PCCA: variants seen among roughly 807,000 people sequenced by gnomAD.
PCCA encodes propionyl-CoA carboxylase subunit alpha, also known as propionyl-CoA carboxylase alpha chain, mitochondrial.
PCCA carries 74 observed loss-of-function variants against 101.3 expected under a neutral mutation model. The ratio of observed to expected loss-of-function variants is 0.73; its 90% CI spans 0.61 to 0.89. The LOEUF is 0.89. Ranked by LOEUF, PCCA falls within the 40% of genes least tolerant of loss-of-function variation. The pLI, the probability that PCCA is intolerant of heterozygous loss-of-function variation, is 0.00. For missense variants in PCCA, 891 were observed against 907.0 expected, an observed-to-expected ratio of 0.98 and a Z score of 0.23; for synonymous variants, 294 against 313.6, an observed-to-expected ratio of 0.94 and a Z score of 0.66.
At chr13:100,253,564 C>G (rs746452464) in intron 8 of PCCA, among the ~76,000 whole-genome samples, 1 of 152,200 alleles carries the variant, frequency 6.6e-6, no homozygotes, top group Non-Finnish European at 1.5e-5. Context: ...CCCTTGAAAA[C>G]TGAGTCCAGA....
At chr13:100,254,196 G>T (rs766340523) in intron 8 of PCCA, among the ~76,000 whole-genome samples, 1 of 152,124 alleles carries the variant, frequency 6.6e-6, no homozygotes, top group African/African-American at 2.4e-5. Context: ...CACGAGGACA[G>T]TGTGGGGAAA....
chr13:100,496,143 T>C (rs1275818584), intron 21 of PCCA, among the ~76,000 whole-genome samples: 3 of 152,258 alleles, frequency 2.0e-5, no homozygotes, highest in African/African-American at 7.2e-5. Context: ...GAAACTGACA[T>C]TGAAACAGCA....
chr13:100,103,077 G>T, intron 2 of PCCA, 117 bp downstream of exon 2: 1 of 718,404 alleles, frequency 1.4e-6, no homozygotes, highest in South Asian at 1.5e-5. Context: ...TGTGGTCATT[G>T]ATCACTCTAG....
intron 16 of PCCA, among the ~76,000 whole-genome samples, chr13:100,328,302 G>T (rs1054667502): frequency 2.0e-5 from 3 of 151,598 alleles, no homozygotes; most frequent in Admixed American, 6.6e-5. Context: ...GACAGAGGTT[G>T]CAGTGAGCCG....
chr13:100,416,913 G>A (rs189299075), intron 19 of PCCA, among the ~76,000 whole-genome samples: 2 of 151,734 alleles, frequency 1.3e-5, no homozygotes, highest in South Asian at 2.1e-4. Context: ...GCGCGATCTC[G>A]GCTCACTGCA....
chr13:100,395,056 T>G (rs2076980834), intron 19 of PCCA, among the ~76,000 whole-genome samples: 1 of 152,194 alleles, frequency 6.6e-6, no homozygotes. Flanking sequence ...GGTTTGCATA[T>G]CTAAAACTTT....
At chr13:100,496,966 G>T (rs1188214539) in intron 21 of PCCA, among the ~76,000 whole-genome samples, 3 of 152,174 alleles carry the variant, frequency 2.0e-5, no homozygotes, top group Admixed American at 2.0e-4. Flanking sequence ...GATGGAGTTC[G>T]GAAGATGTCA....
chr13:100,116,430 G>A (rs2048804846), intron 4 of PCCA, among the ~76,000 whole-genome samples: 2 of 152,164 alleles, frequency 1.3e-5, no homozygotes, highest in Admixed American at 1.3e-4. Context: ...GTCACACAAG[G>A]AAGGAAAGCC....
intron 12 of PCCA, among the ~76,000 whole-genome samples, chr13:100,279,726 G>A (rs919972630): frequency 6.6e-6 from 1 of 151,958 alleles, no homozygotes. Context: ...CACCTGCATC[G>A]ACCTCCCAAA....
chr13:100,138,506 C>A (rs1267629312), intron 4 of PCCA, among the ~76,000 whole-genome samples: 2 of 152,190 alleles, frequency 1.3e-5, no homozygotes, highest in East Asian at 1.9e-4. Context: ...GCAATGTTAT[C>A]ATTTCTGTTG....
chr13:100,144,718 C>T (rs1372704548), intron 4 of PCCA, among the ~76,000 whole-genome samples: 1 of 152,102 alleles, frequency 6.6e-6, no homozygotes, highest in Non-Finnish European at 1.5e-5. Flanking sequence ...ATCTTCCTGT[C>T]CCAAATTCCC....
chr13:100,444,038 C>G (rs2080578693), intron 20 of PCCA, among the ~76,000 whole-genome samples: 2 of 152,136 alleles, frequency 1.3e-5, no homozygotes, highest in Non-Finnish European at 2.9e-5. Context: ...TGTACAAGAT[C>G]TGACCTGGGT....
At chr13:100,224,073 G>A (rs1021706597) in intron 7 of PCCA, among the ~76,000 whole-genome samples, 17 of 152,254 alleles carry the variant, frequency 1.1e-4, no homozygotes, top group Admixed American at 4.6e-4. Flanking sequence ...TTGGGTGGTC[G>A]ATGGGACTGG....
At chr13:100,285,993 A>AAGGGGCAGATATGCCAGC (rs1391581785) in intron 12 of PCCA, among the ~76,000 whole-genome samples, 1 of 152,154 alleles carries the variant, frequency 6.6e-6, no homozygotes, top group Non-Finnish European at 1.5e-5. Flanking sequence ...AAAAGTTGAG[A>AAGGGGCAGATATGCCAGC]AGGGGCAGAT....
At chr13:100,291,376 C>T (rs2065105767) in intron 12 of PCCA, among the ~76,000 whole-genome samples, 1 of 152,194 alleles carries the variant, frequency 6.6e-6, no homozygotes. Flanking sequence ...GTTTAGTATT[C>T]ACAGGGGTCC....
At chr13:100,197,434 T>G (rs1361199570) in intron 6 of PCCA, among the ~76,000 whole-genome samples, 1 of 151,984 alleles carries the variant, frequency 6.6e-6, no homozygotes, top group Non-Finnish European at 1.5e-5. Flanking sequence ...GGCTTTACCT[T>G]TTATTATTTT....
intron 18 of PCCA, among the ~76,000 whole-genome samples, chr13:100,349,960 C>T (rs1039898856): frequency 6.6e-6 from 1 of 152,146 alleles, no homozygotes; most frequent in African/African-American, 2.4e-5. Flanking sequence ...TGATTTCTGC[C>T]TAGCAGAGAC....
chr13:100,379,681 T>C (rs1463803552), intron 19 of PCCA, among the ~76,000 whole-genome samples: 1 of 152,126 alleles, frequency 6.6e-6, no homozygotes, highest in African/African-American at 2.4e-5. Context: ...GAGGGACATC[T>C]TACATGCAGC....
intron 19 of PCCA, among the ~76,000 whole-genome samples, chr13:100,406,355 G>C (rs866237726): frequency 5.9e-5 from 9 of 152,300 alleles, no homozygotes; most frequent in South Asian, 2.1e-4. Flanking sequence ...AAACAAACAT[G>C]CTCCAAACCT....
Sources: allele counts gnomAD v4.1 joint callset (sites outside exome capture counted in the v4.1 genomes callset), GRCh38; gene constraint gnomAD v4.1.1; transcripts MANE v1.5; gene names NCBI Gene and HGNC (gene_info 2026-07-23, HGNC 2026-07-21).